Variants in ELP2 observed in about 807,000 individuals in gnomAD.
ELP2 encodes the protein elongator acetyltransferase complex subunit 2, also known as elongator complex protein 2.
ELP2 carries 90 observed loss-of-function variants against 119.2 expected under a neutral mutation model. That is an observed-to-expected ratio of 0.75 (90% CI 0.64 to 0.90). The LOEUF is 0.90. Ranked by LOEUF, ELP2 falls within the 40% of genes least tolerant of loss-of-function variation. The probability of loss-of-function intolerance (pLI) is 0.00; values close to 1 mark genes in which losing one functional copy is unlikely to be tolerated. For missense variants in ELP2, 921 were observed against 967.8 expected, an observed-to-expected ratio of 0.95 and a Z score of 0.64; for synonymous variants, 339 against 331.0, an observed-to-expected ratio of 1.02 and a Z score of -0.26.
intron 19 of ELP2, 84 bp downstream of exon 19, chr18:36,167,306 G>T: frequency 9.3e-7 from 1 of 1,075,452 alleles, no homozygotes; most frequent in South Asian, 1.7e-5. Context: ...GCATAATCCT[G>T]CCTTTCTGTT....
intron 11 of ELP2, among the ~76,000 whole-genome samples, chr18:36,153,740 G>A (rs1007150651): frequency 5.9e-5 from 9 of 151,790 alleles, no homozygotes; most frequent in Non-Finnish European, 1.0e-4. Flanking sequence ...AACATTTATT[G>A]GTTTATGGTA....
At chr18:36,142,454 G>A (rs1019239484) in intron 7 of ELP2, 107 bp downstream of exon 7, 15 of 938,822 alleles carry the variant, frequency 1.6e-5, no homozygotes, top group Middle Eastern at 2.1e-4. Flanking sequence ...TGTATGTTAT[G>A]TTTTTCTATT....
rs1336414316 is a variant in ELP2 at position 36,177,254 on chromosome 18, A to G, written c.*2613A>G. 2 of 152,192 alleles carry G rather than the reference A, an allele frequency of 1.3e-5. No homozygotes were observed. The highest frequency in any genetic ancestry group is 2.9e-5 in the Non-Finnish European group (2 of 68,046). 9.4% of individuals were successfully genotyped at this position (152,192 alleles called of 1,614,324 possible). On this transcript the variant is annotated 3_prime_UTR_variant, in exon 22 of 22. Transcript: ENST00000358232. ...TCACAGTAGCTAAGAGATGGAAGCA[A>G]TATGTGCCCATCAGTGGGTGAATGA... is the stretch of plus-strand genomic sequence containing the variant.
At position 36,155,007 on chromosome 18, in the gene ELP2, G is replaced by C; in HGVS notation, c.1275+8G>C. On this transcript the variant is annotated splice_region_variant and intron_variant, in intron 12 of 21. Coordinates refer to ENST00000358232, the MANE Select transcript of ELP2 (RefSeq NM_018255.4). The stretch of plus-strand genomic sequence containing the variant: ...AGAAAAGACCAATCACAGGTAAAAT[G>C]TCTTATTTATTTATTTATTTTTTCT... 6.2e-7 allele frequency: 1 copy of C among 1,608,326 alleles called. No homozygotes were observed. Among genetic ancestry groups the C allele is most frequent in the South Asian group, 1.1e-5 (1 of 90,886 alleles).
chr18:36,161,722 A>G (rs558555290), intron 17 of ELP2, among the ~76,000 whole-genome samples: 3 of 152,172 alleles, frequency 2.0e-5, no homozygotes, highest in Non-Finnish European at 4.4e-5. Flanking sequence ...AGAGCCGCCC[A>G]CCTGCATGGG....
At chr18:36,145,903 A>T (rs117959355) in intron 9 of ELP2, 45 bp from the exon 10 acceptor site, 13 of 1,493,644 alleles carry the variant, frequency 8.7e-6, no homozygotes, top group Admixed American at 1.7e-5. Flanking sequence ...ATCTACAAAC[A>T]TGATGATTGT....
chr18:36,136,017 A>G (rs2089810708), intron 2 of ELP2, among the ~76,000 whole-genome samples: 1 of 152,198 alleles, frequency 6.6e-6, no homozygotes, highest in South Asian at 2.1e-4. Flanking sequence ...GAATGTGATA[A>G]TTGTATTGAG....
Position 36,142,832 on chromosome 18 carries a change from A to T in ELP2, c.662A>T (p.Asp221Val). 6.2e-7 allele frequency: 1 copy of T among 1,600,450 alleles called. No individual in the cohort carries two copies. Among genetic ancestry groups the T allele is most frequent in the Non-Finnish European group, 8.5e-7 (1 of 1,169,726 alleles). ...CAACTTATTTTTTAATTAGGTAGAG[A>T]TCTTTTCCTAGCAAGCTGTTCACAA... ...RGVEWAAFGR[D>V]LFLASCSQDC... The change falls in exon 8 of 22, where the codon GAT (aspartate) becomes GTT (valine). Residue 221 changes from aspartate (D) to valine (V), a missense_variant. Coordinates refer to ENST00000358232, the MANE Select transcript of ELP2 (RefSeq NM_018255.4).
At chr18:36,136,604 T>A (rs559511671) in intron 3 of ELP2, 2 of 533,090 alleles carry the variant, frequency 3.8e-6, no homozygotes, top group South Asian at 4.8e-5. Context: ...TTGCCCAGGC[T>A]GGTCTCAGAA....
At chr18:36,156,712 G>C in intron 13 of ELP2, 58 bp downstream of exon 13, 1 of 1,518,416 alleles carries the variant, frequency 6.6e-7, no homozygotes, top group Non-Finnish European at 9.1e-7. Flanking sequence ...AAATTTAAAA[G>C]GATTTTTGCC....
At chr18:36,145,220 C>A in intron 9 of ELP2, 186 bp downstream of exon 9, 1 of 587,424 alleles carries the variant, frequency 1.7e-6, no homozygotes, top group South Asian at 1.8e-5. Flanking sequence ...GAACATTGAA[C>A]TCCTAAGTGG....
intron 5 of ELP2, among the ~76,000 whole-genome samples, chr18:36,140,599 A>T (rs113133999): frequency 0.049 from 7,432 of 152,178 alleles, 582 homozygotes; most frequent in African/African-American, 0.16. Flanking sequence ...TGCCCACCTC[A>T]GCCTCCCAAA....
At position 36,164,480 on chromosome 18, in the gene ELP2, T is replaced by G; in HGVS notation, c.1767T>G (p.Ala589=). The part of the protein sequence containing the change: ...KTLLASACKA[A]KKEHAAIILW... Reference sequence around the variant, plus strand: ...GTTTCATCTCTGTCCTATAGGCAGCTAAGAAAGAGCATGCAGCTATCATTC... The same window carrying G: ...GTTTCATCTCTGTCCTATAGGCAGCGAAGAAAGAGCATGCAGCTATCATTC... The change falls in exon 18 of 22, where the codon GCT becomes GCG. Residue 589 remains alanine, a synonymous_variant. Coordinates refer to ENST00000358232, the MANE Select transcript of ELP2 (RefSeq NM_018255.4). 1 of 1,613,836 alleles carries G rather than the reference T, an allele frequency of 6.2e-7. No homozygotes were observed. Among genetic ancestry groups the G allele is most frequent in the Non-Finnish European group, 8.5e-7 (1 of 1,179,710 alleles).
chr18:36,174,725 A>G lies in ELP2; in HGVS notation c.*84A>G, dbSNP rs764063900. The G allele has an allele frequency of 1.5e-6, 2 of 1,360,510 alleles. No individual in the cohort carries two copies. The highest frequency in any genetic ancestry group is 2.6e-5 in the South Asian group (2 of 77,842). The allele number at this position is 1,360,510 out of a possible 1,614,324, so 84.3% of individuals were successfully genotyped here. A position where few individuals can be genotyped will look rare whatever the true frequency, so the allele number is the denominator to read the frequency against. On this transcript the variant is annotated 3_prime_UTR_variant, in exon 22 of 22. Coordinates refer to ENST00000358232, the MANE Select transcript of ELP2 (RefSeq NM_018255.4). Reference sequence around the variant, plus strand: ...AGGTCATCTTTACCTTCATAACTGAATTGAGTTTCTGGGTTTTTTTTTTTT... The same window carrying G: ...AGGTCATCTTTACCTTCATAACTGAGTTGAGTTTCTGGGTTTTTTTTTTTT...
chr18:36,150,226 T>C (rs1567997023), intron 11 of ELP2, among the ~76,000 whole-genome samples: 1 of 152,188 alleles, frequency 6.6e-6, no homozygotes, highest in Non-Finnish European at 1.5e-5. Flanking sequence ...ATTATGTGCC[T>C]TGGAATTGCC....
At chr18:36,156,833 T>C (rs1292660333) in intron 13 of ELP2, among the ~76,000 whole-genome samples, 179 bp downstream of exon 13, 1 of 152,212 alleles carries the variant, frequency 6.6e-6, no homozygotes, top group Non-Finnish European at 1.5e-5. Flanking sequence ...ATACTAAAAC[T>C]AGAAATTTTG....
At chr18:36,156,245 A>G (rs974542424) in intron 12 of ELP2, among the ~76,000 whole-genome samples, 5 of 152,246 alleles carry the variant, frequency 3.3e-5, no homozygotes, top group Non-Finnish European at 7.3e-5. Context: ...CATTGGGAAC[A>G]GCATCTATAG....
Position 36,140,801 on chromosome 18 carries a change from C to G in ELP2, c.524-336C>G, listed in dbSNP as rs181752680. Among the ~76,000 whole-genome samples the G allele has an allele frequency of 1.4e-3, 208 of 152,310 alleles. 5 individuals are homozygous for G. The highest frequency in any genetic ancestry group is 0.014 in the Admixed American group (207 of 15,296). On this transcript the variant is annotated intron_variant, in intron 5 of 21. Coordinates refer to ENST00000358232, the MANE Select transcript of ELP2 (RefSeq NM_018255.4). ...GTTCATTATTTAGTTGTCTTAACAA[C>G]TTTTCATCTTGGTCTTTGGGCTGAC...
At chr18:36,170,400 C>T (rs559474964) in intron 20 of ELP2, among the ~76,000 whole-genome samples, 37 of 152,070 alleles carry the variant, frequency 2.4e-4, no homozygotes, top group Non-Finnish European at 5.0e-4. Context: ...CAACCTCTGC[C>T]TTCTGAGTTT....
Sources: gnomAD v4.1 joint callset for allele counts (sites outside exome capture counted in the v4.1 genomes callset) on GRCh38, gnomAD v4.1.1 for gene constraint, MANE v1.5 for transcripts, NCBI Gene and HGNC (gene_info 2026-07-23, HGNC 2026-07-21) for gene names.